Variants in PPHLN1 observed in about 807,000 individuals in gnomAD.
PPHLN1 encodes periphilin-1.
PPHLN1 carries 29 observed loss-of-function variants against 51.3 expected under a neutral mutation model. The observed-to-expected ratio is 0.57, with a 90% CI of 0.42 to 0.77. The LOEUF is 0.77. PPHLN1 is among the 30% of genes least tolerant of loss of function. The pLI is 0.00. For missense variants in PPHLN1, 436 were observed against 438.4 expected (o/e 0.99, Z 0.05); for synonymous variants, 147 against 147.8 (o/e 0.99, Z 0.04).
chr12:42,342,228 G>GGCATTCAT (rs1349274381), intron 2 of PPHLN1, among the ~76,000 whole-genome samples: 1 of 149,744 alleles, frequency 6.7e-6, no homozygotes, highest in Non-Finnish European at 1.5e-5. Flanking sequence ...GTGACAGAAT[G>GGCATTCAT]GCATTCATTC....
downstream of PPHLN1, chr12:42,446,528 C>G (rs138852728): frequency 3.1e-3 from 4,953 of 1,578,632 alleles, 12 homozygotes; most frequent in Middle Eastern, 5.4e-3. Context: ...GGGGTCGCTT[C>G]TTAGTTAGAA....
intron 4 of PPHLN1, among the ~76,000 whole-genome samples, chr12:42,371,657 A>G (rs1170632955): frequency 1.3e-5 from 2 of 152,202 alleles, no homozygotes; most frequent in African/African-American, 4.8e-5. Flanking sequence ...TACTAACCGC[A>G]TGTACCTTTT....
intron 7 of PPHLN1, among the ~76,000 whole-genome samples, chr12:42,389,370 TCAAAA>T (rs1322234909): frequency 7.0e-6 from 1 of 143,732 alleles, no homozygotes; most frequent in African/African-American, 2.6e-5. Flanking sequence ...AGACTCCGTC[TCAAAA>T]CAAAAACAAA....
chr12:42,411,924 G>A (rs1415416677), intron 9 of PPHLN1, among the ~76,000 whole-genome samples: 26 of 53,930 alleles, frequency 4.8e-4, no homozygotes, highest in Admixed American at 1.1e-3. Context: ...AAAAAAAAAA[G>A]GGCTGGGCGC....
At chr12:42,420,673 T>TCCCCC (rs2080919966) in intron 9 of PPHLN1, among the ~76,000 whole-genome samples, 1 of 20,560 alleles carries the variant, frequency 4.9e-5, no homozygotes, top group African/African-American at 1.9e-4. Flanking sequence ...CCTCCCGCCC[T>TCCCCC]CCCCTCCCCT....
intron 9 of PPHLN1, among the ~76,000 whole-genome samples, chr12:42,420,810 TCAAAAA>T (rs1476859231): frequency 1.3e-5 from 2 of 151,642 alleles, no homozygotes; most frequent in African/African-American, 4.8e-5. Context: ...GTTTTATTTG[TCAAAAA>T]CAAAACAGTG....
intron 5 of PPHLN1, among the ~76,000 whole-genome samples, chr12:42,378,796 A>C (rs1197584897): frequency 6.6e-6 from 1 of 152,126 alleles, no homozygotes; most frequent in Non-Finnish European, 1.5e-5. Context: ...ACTTTGAACT[A>C]CTTCAAACTA....
chr12:42,374,028 C>T (rs1295458506), intron 4 of PPHLN1, among the ~76,000 whole-genome samples: 1 of 152,090 alleles, frequency 6.6e-6, no homozygotes, highest in Non-Finnish European at 1.5e-5. Context: ...TGGTACTCTC[C>T]TCCCCAGTTA....
intron 4 of PPHLN1, among the ~76,000 whole-genome samples, chr12:42,356,373 A>T (rs1327241588): frequency 9.2e-5 from 14 of 152,188 alleles, no homozygotes. Flanking sequence ...ACACAGTGGG[A>T]TACACTGTGG....
At chr12:42,405,834 A>G (rs2079240673) in intron 9 of PPHLN1, among the ~76,000 whole-genome samples, 1 of 152,128 alleles carries the variant, frequency 6.6e-6, no homozygotes, top group African/African-American at 2.4e-5. Flanking sequence ...AAACTCTGCT[A>G]TGTTTGTTAT....
intron 9 of PPHLN1, among the ~76,000 whole-genome samples, chr12:42,434,941 C>A (rs1235179049): frequency 6.6e-6 from 1 of 152,220 alleles, no homozygotes; most frequent in African/African-American, 2.4e-5. Flanking sequence ...AATCTGCCCG[C>A]CCTGGCCTCC....
At chr12:42,388,282 GA>G (rs1289795172) in intron 7 of PPHLN1, among the ~76,000 whole-genome samples, 1 of 152,212 alleles carries the variant, frequency 6.6e-6, no homozygotes, top group African/African-American at 2.4e-5. Context: ...TGAGATAGGA[GA>G]AAAACCACCC....
downstream of PPHLN1, chr12:42,444,929 G>A (rs2083222097): frequency 6.5e-6 from 4 of 616,956 alleles, no homozygotes; most frequent in East Asian, 2.8e-5. Flanking sequence ...TCACTCCATC[G>A]AGATTTACTA....
chr12:42,349,716 G>GGTT (rs945612181), intron 2 of PPHLN1, among the ~76,000 whole-genome samples: 1 of 152,028 alleles, frequency 6.6e-6, no homozygotes, highest in African/African-American at 2.4e-5. Flanking sequence ...GAGAGCACGG[G>GGTT]GTTGGGGGTA....
chr12:42,385,262 T>C (rs1304743700), intron 6 of PPHLN1, among the ~76,000 whole-genome samples: 2 of 152,218 alleles, frequency 1.3e-5, no homozygotes, highest in Non-Finnish European at 2.9e-5. Flanking sequence ...CTGACAACAG[T>C]AGGATCAAGT....
intron 9 of PPHLN1, among the ~76,000 whole-genome samples, chr12:42,412,502 G>GT (rs1159059208): frequency 2.6e-5 from 4 of 151,976 alleles, no homozygotes; most frequent in African/African-American, 9.7e-5. Flanking sequence ...GGACACTTAG[G>GT]TTGGTTCTAT....
chr12:42,428,817 CTTCTTTT>C (rs1566016677), intron 9 of PPHLN1, among the ~76,000 whole-genome samples: 1 of 128,416 alleles, frequency 7.8e-6, no homozygotes, highest in Admixed American at 8.1e-5. Flanking sequence ...GCCTTTTTAA[CTTCTTTT>C]TTTTTTTTTT....
chr12:42,406,365 C>G (rs1754395172), intron 9 of PPHLN1, among the ~76,000 whole-genome samples: 1 of 152,202 alleles, frequency 6.6e-6, no homozygotes, highest in South Asian at 2.1e-4. Context: ...CAGGCGTGAG[C>G]CACCGTGCCC....
At position 42,383,983 on chromosome 12, in the gene PPHLN1, C is replaced by CAAAAA. The variant is rs61016692; in HGVS notation, c.512-933_512-929dup. ...TGGGCAACAGAGTGAGACTGTGTCT[C>CAAAAA]AAAAAAAAAAAAAAAAAAAAAAAAA... On this transcript the variant is annotated intron_variant, in intron 5 of 9. Transcript: ENST00000358314. Among the ~76,000 whole-genome samples the CAAAAA allele has an allele frequency of 5.0e-4, 26 of 51,628 alleles. 3 individuals carry two copies. The highest frequency in any genetic ancestry group is 1.7e-3 in the East Asian group (3 of 1,764). The allele number at this position is 51,628 out of a possible 152,430, so 33.9% of individuals were successfully genotyped here.
Sources: allele counts gnomAD v4.1 joint callset (sites outside exome capture counted in the v4.1 genomes callset), GRCh38; gene constraint gnomAD v4.1.1; transcripts MANE v1.5; gene names NCBI Gene and HGNC (gene_info 2026-07-23, HGNC 2026-07-21).